SIK3: variants seen among roughly 807,000 people sequenced by gnomAD.
SIK3 encodes serine/threonine-protein kinase SIK3.
A neutral mutation model predicts 144.2 loss-of-function variants in SIK3; 28 were observed. The observed-to-expected ratio is 0.19, with a 90% CI of 0.14 to 0.27. The LOEUF (loss-of-function observed/expected upper bound fraction) is 0.27, where lower values mean the gene tolerates loss of function less well. SIK3 is among the 10% of genes least tolerant of loss of function. The pLI, the probability that SIK3 is intolerant of heterozygous loss-of-function variation, is 1.00. For synonymous variants in SIK3, 686 were observed against 676.3 expected, an observed-to-expected ratio of 1.01 and a Z score of -0.22; for missense variants, 1,319 against 1,776.0, an observed-to-expected ratio of 0.74 and a Z score of 4.62.
At chr11:117,035,841 C>T in intron 1 of SIK3, 1 of 1,581,488 alleles carries the variant, frequency 6.3e-7, no homozygotes. Context: ...GTAAGCCTTG[C>T]TTTTCCTCCT....
chr11:117,056,592 T>C (rs1369683704), intron 1 of SIK3, among the ~76,000 whole-genome samples: 2 of 126,804 alleles, frequency 1.6e-5, no homozygotes, highest in Non-Finnish European at 3.2e-5. Context: ...GATATAGATA[T>C]AGATATAAAG....
chr11:117,055,349 T>C (rs1276486955), intron 1 of SIK3, among the ~76,000 whole-genome samples: 1 of 152,258 alleles, frequency 6.6e-6, no homozygotes, highest in Non-Finnish European at 1.5e-5. Context: ...TTAAATGTTT[T>C]ACACACATTA....
At chr11:117,023,621 A>ATATATATATATATATATATAT (rs1555131640) in intron 1 of SIK3, among the ~76,000 whole-genome samples, 10 of 95,390 alleles carry the variant, frequency 1.0e-4, no homozygotes, top group African/African-American at 2.2e-4. Context: ...AAAAAAAAAA[A>ATATATATATATATATATATAT]ATATATATAT....
intron 6 of SIK3, among the ~76,000 whole-genome samples, chr11:116,883,582 A>G (rs1944657331): frequency 6.6e-6 from 1 of 152,186 alleles, no homozygotes; most frequent in African/African-American, 2.4e-5. Flanking sequence ...GATCAAACCT[A>G]TTTATTTAAC....
intron 1 of SIK3, among the ~76,000 whole-genome samples, chr11:117,036,744 G>A (rs572128657): frequency 7.2e-5 from 11 of 152,184 alleles, no homozygotes; most frequent in Admixed American, 2.6e-4. Flanking sequence ...GGCAAAATAC[G>A]GTTTCCAATG....
chr11:117,040,321 A>C (rs1304943220), intron 1 of SIK3, among the ~76,000 whole-genome samples: 1 of 152,192 alleles, frequency 6.6e-6, no homozygotes, highest in African/African-American at 2.4e-5. Context: ...AATTATCTAA[A>C]GCATTTAGAA....
chr11:116,874,026 G>C lies in SIK3; in HGVS notation c.1458C>G (p.Leu486=). ...GGTTGACTCCAGGAAAGCCAGGTAG[G>C]AGCTTCTGCAGATCTTCCATAACTT... The part of the protein sequence containing the change: ...RTEVMEDLQK[L]LPGFPGVNPQ... The change falls in exon 12 of 25, where the codon CTC becomes CTG. Residue 486 remains leucine (L), a synonymous_variant. Coordinates refer to ENST00000445177, the MANE Select transcript of SIK3 (RefSeq NM_001366686.3). The C allele has an allele frequency of 6.2e-7, 1 of 1,614,038 alleles. No homozygotes were observed. Among genetic ancestry groups the C allele is most frequent in the Non-Finnish European group, 8.5e-7 (1 of 1,179,970 alleles).
In SIK3 at chr11:116,897,285, G is replaced by T. The variant is rs141095523; in HGVS notation, c.649C>A (p.Gln217Lys). 1.9e-5 allele frequency: 30 copies of T among 1,613,914 alleles called. No homozygotes were observed. The African/African-American group carries it at 3.3e-4, about 18-fold the overall frequency. The stretch of plus-strand genomic sequence containing the variant: ...CTGCCACACCAGGTCTTCAGCAGCT[G>T]CCCAGGAGTGAAGAGGTTACTGAAA... ...FGFSNLFTPG[Q>K]LLKTWCGSPP... is the part of the protein sequence containing the mutation. Residue 217 changes from glutamine (Q) to lysine (K), a missense_variant, in exon 5 of 25, where the codon CAG becomes AAG. Gln to Lys is a moderately conservative substitution (Grantham distance 53, BLOSUM62 1). Around this residue, in one of 8 missense-constraint regions of SIK3, gnomAD observed 125 missense variants for 285.2 expected, o/e 0.44. Coordinates refer to ENST00000445177, the MANE Select transcript of SIK3 (RefSeq NM_001366686.3).
In SIK3 at chr11:117,038,359, C is replaced by CTTTT. The variant is rs372851873; in HGVS notation, c.273+59780_273+59783dup. Reference sequence around the variant, plus strand: ...GCCTAGAATAAACTGCTACAAGATACTTTTTTTTTTTTTTTGAGACAGAGT... The same window carrying CTTTT: ...GCCTAGAATAAACTGCTACAAGATACTTTTTTTTTTTTTTTTTTTGAGACAGAGT... On this transcript the variant is annotated intron_variant, in intron 1 of 24. Transcript: ENST00000445177. Among the ~76,000 whole-genome samples the CTTTT allele has an allele frequency of 8.3e-4, 118 of 142,198 alleles. 1 individual carries two copies. The highest frequency in any genetic ancestry group is 1.7e-3 in the African/African-American group (64 of 38,594). 93.3% of individuals were successfully genotyped at this position (142,198 alleles called of 152,430 possible). A position where few individuals can be genotyped will look rare whatever the true frequency, so the allele number is the denominator to read the frequency against.
At chr11:116,999,083 T>C (rs904457999) in intron 1 of SIK3, among the ~76,000 whole-genome samples, 3 of 152,186 alleles carry the variant, frequency 2.0e-5, no homozygotes, top group African/African-American at 7.2e-5. Flanking sequence ...AGTGTTTAGT[T>C]TTTACTTCAG....
intron 1 of SIK3, among the ~76,000 whole-genome samples, chr11:117,018,843 C>A (rs1462000521): frequency 2.0e-5 from 3 of 151,892 alleles, no homozygotes; most frequent in Non-Finnish European, 2.9e-5. Context: ...TCCTGAGTAG[C>A]TGGAATTACA....
At chr11:116,978,149 C>T (rs991998471) in intron 1 of SIK3, among the ~76,000 whole-genome samples, 4 of 151,642 alleles carry the variant, frequency 2.6e-5, no homozygotes, top group African/African-American at 4.9e-5. Context: ...ACCGGGGAGG[C>T]GGAGGTTGTG....
At position 116,927,430 on chromosome 11, in the gene SIK3, T is replaced by C. The variant is rs756707944; in HGVS notation, c.455-50A>G. 33 of 1,579,608 alleles carry C rather than the reference T, an allele frequency of 2.1e-5. No individual in the cohort carries two copies. The East Asian group carries it at 7.4e-4, about 36-fold the overall frequency. On this transcript the variant is annotated intron_variant, in intron 3 of 24. Coordinates refer to ENST00000445177, the MANE Select transcript of SIK3 (RefSeq NM_001366686.3). ...GTTTTCATTTTGGACACTTGTGTAA[T>C]TTCAAAAGGTAGACTTAAGGAGGGC...
intron 1 of SIK3, among the ~76,000 whole-genome samples, chr11:117,024,390 C>T (rs936445618): frequency 1.3e-5 from 2 of 151,386 alleles, no homozygotes; most frequent in African/African-American, 4.9e-5. Context: ...CTCATTTCTG[C>T]CATTGTGCCT....
chr11:116,917,033 C>T (rs895241977), intron 4 of SIK3, among the ~76,000 whole-genome samples: 7 of 152,046 alleles, frequency 4.6e-5, no homozygotes, highest in African/African-American at 9.7e-5. Flanking sequence ...TAGCTTACTG[C>T]AGCTTCAACC....
intron 21 of SIK3, among the ~76,000 whole-genome samples, chr11:116,853,279 G>T (rs147061439): frequency 1.3e-5 from 2 of 152,120 alleles, no homozygotes; most frequent in Non-Finnish European, 2.9e-5. Flanking sequence ...GACCATTTTG[G>T]GGGGTACAAA....
intron 1 of SIK3, among the ~76,000 whole-genome samples, chr11:117,007,695 A>G (rs563396203): frequency 7.9e-5 from 12 of 152,326 alleles, no homozygotes; most frequent in African/African-American, 2.6e-4. Context: ...TTAGATTTAG[A>G]TAATTTTTTT....
At chr11:116,945,813 T>G (rs1591393303) in intron 3 of SIK3, among the ~76,000 whole-genome samples, 2 of 152,306 alleles carry the variant, frequency 1.3e-5, no homozygotes, top group South Asian at 4.1e-4. Flanking sequence ...TTCCTATCTC[T>G]AAGGCCTTTA....
At position 116,857,867 on chromosome 11, in the gene SIK3, G is replaced by A; in HGVS notation, c.3598C>T (p.His1200Tyr). The A allele has an allele frequency of 1.9e-6, 3 of 1,614,230 alleles. No homozygotes were observed. The highest frequency in any genetic ancestry group is 2.5e-6 in the Non-Finnish European group (3 of 1,180,046). Residue 1200 changes from histidine (H) to tyrosine (Y), a missense_variant, in exon 21 of 25, where the codon CAT becomes TAT. This residue lies in a region of SIK3 where 646 missense variants were observed against 763.7 expected (regional missense o/e 0.85). Coordinates refer to ENST00000445177, the MANE Select transcript of SIK3 (RefSeq NM_001366686.3). ...GCAGTTGGCTGATGACCATAGGGAT[G>A]TATCCCCAATTCTTGGGCATGACTC... Reference protein sequence around the residue: ...TVSHAQELGIHPYGHQPTAAF... With the variant: ...TVSHAQELGIYPYGHQPTAAF...
Sources: gnomAD v4.1 joint callset for allele counts (sites outside exome capture counted in the v4.1 genomes callset) on GRCh38, gnomAD v4.1.1 for gene constraint, gnomAD v4.1.1 regional missense constraint, MANE v1.5 for transcripts, NCBI Gene and HGNC (gene_info 2026-07-23, HGNC 2026-07-21) for gene names.